SCOC: variants seen among roughly 807,000 people sequenced by gnomAD.
The protein encoded by SCOC is short coiled coil protein.
In SCOC, 7 loss-of-function variants were observed where a neutral mutation model predicts 9.9. The ratio of observed to expected loss-of-function variants is 0.71; its 90% CI spans 0.40 to 1.33. The LOEUF (loss-of-function observed/expected upper bound fraction) is 1.33. Among genes scored for constraint, SCOC ranks in the 40% most tolerant of loss-of-function variants. SCOC has a pLI of 0.01. For missense variants in SCOC, 66 were observed against 89.7 expected (o/e 0.74, Z 1.07); for synonymous variants, 19 against 28.2 (o/e 0.67, Z 1.03).
intron 3 of SCOC, among the ~76,000 whole-genome samples, chr4:140,380,159 T>TCTGTGACTTCCCTATTAG (rs1728509920): frequency 6.6e-6 from 1 of 151,790 alleles, no homozygotes; most frequent in Non-Finnish European, 1.5e-5. Flanking sequence ...ATAAAAGTCA[T>TCTGTGACTTCCCTATTAG]CTGTGACTTC....
At chr4:140,379,751 TA>T in intron 3 of SCOC, 99 bp downstream of exon 3, 1 of 824,312 alleles carries the variant, frequency 1.2e-6, no homozygotes, top group South Asian at 1.6e-5. Flanking sequence ...GTATAATTTT[TA>T]AAAGAATGAA....
At chr4:140,313,712 A>G (rs538337691) in intron 1 of SCOC, among the ~76,000 whole-genome samples, 5 of 152,348 alleles carry the variant, frequency 3.3e-5, no homozygotes, top group African/African-American at 1.2e-4. Flanking sequence ...CACTAAATTC[A>G]AGACCCTCTT....
At chr4:140,355,067 T>TAATATTTGAGTA (rs1361728760) in intron 2 of SCOC, among the ~76,000 whole-genome samples, 1 of 151,836 alleles carries the variant, frequency 6.6e-6, no homozygotes, top group Non-Finnish European at 1.5e-5. Flanking sequence ...CAAAGGAGAT[T>TAATATTTGAGTA]AATATTTGAG....
intron 1 of SCOC, among the ~76,000 whole-genome samples, chr4:140,324,481 G>A (rs1732588941): frequency 6.6e-6 from 1 of 151,918 alleles, no homozygotes; most frequent in South Asian, 2.1e-4. Flanking sequence ...AACACTCCGA[G>A]AACTCATAAG....
At chr4:140,358,819 C>T (rs1727341643) in intron 2 of SCOC, among the ~76,000 whole-genome samples, 1 of 152,110 alleles carries the variant, frequency 6.6e-6, no homozygotes. Context: ...ATAGAATCAC[C>T]ATTCCATTTT....
At chr4:140,339,366 T>G (rs145934477), upstream of SCOC, among the ~76,000 whole-genome samples, 1 of 151,706 alleles carries the variant, frequency 6.6e-6, no homozygotes, top group East Asian at 1.9e-4. Context: ...AACCTAGGCA[T>G]TACCATTCAG....
chr4:140,290,651 A>G (rs1010664410), intron 1 of SCOC, among the ~76,000 whole-genome samples: 2 of 152,178 alleles, frequency 1.3e-5, no homozygotes, highest in Non-Finnish European at 2.9e-5. Context: ...CATCTCTACT[A>G]AAAATACAAA....
intron 1 of SCOC, among the ~76,000 whole-genome samples, chr4:140,305,984 G>A (rs1731968788): frequency 6.6e-6 from 1 of 152,100 alleles, no homozygotes; most frequent in African/African-American, 2.4e-5. Flanking sequence ...ATAGGGTCTT[G>A]GAGAGAAAAA....
chr4:140,332,481 C>G (rs1048701503), intron 1 of SCOC, among the ~76,000 whole-genome samples: 4 of 144,978 alleles, frequency 2.8e-5, no homozygotes, highest in African/African-American at 1.0e-4. Flanking sequence ...TGGGTTCAAG[C>G]TATTCTCCTG....
chr4:140,342,068 G>C (rs1475305810), upstream of SCOC, among the ~76,000 whole-genome samples: 1 of 151,928 alleles, frequency 6.6e-6, no homozygotes, highest in Non-Finnish European at 1.5e-5. Context: ...GATTCTTAGA[G>C]GACTTGAACT....
At chr4:140,265,511 G>A (rs1578753564) in intron 1 of SCOC, among the ~76,000 whole-genome samples, 3 of 152,210 alleles carry the variant, frequency 2.0e-5, no homozygotes, top group Admixed American at 6.5e-5. Context: ...GCGCAGCCAC[G>A]TGGTGGAAGA....
chr4:140,373,040 A>C (rs1232343565), upstream of SCOC, among the ~76,000 whole-genome samples: 1 of 152,230 alleles, frequency 6.6e-6, no homozygotes, highest in African/African-American at 2.4e-5. Context: ...TAAAATATTA[A>C]ATGGCCACGC....
chr4:140,324,337 A>C (rs1732584865), intron 1 of SCOC, among the ~76,000 whole-genome samples: 1 of 152,200 alleles, frequency 6.6e-6, no homozygotes, highest in Non-Finnish European at 1.5e-5. Context: ...TCAACACCAG[A>C]CTGGAAGTCA....
intron 1 of SCOC, among the ~76,000 whole-genome samples, chr4:140,312,415 A>G (rs1220806215): frequency 1.3e-5 from 2 of 152,126 alleles, no homozygotes; most frequent in African/African-American, 4.8e-5. Context: ...ACATAGTTAT[A>G]TATTTATTTA....
chr4:140,355,102 A>T (rs1727151157), intron 2 of SCOC, among the ~76,000 whole-genome samples: 1 of 151,590 alleles, frequency 6.6e-6, no homozygotes, highest in Admixed American at 6.6e-5. Context: ...AACCAGACCC[A>T]CCCTTAATCT....
intron 1 of SCOC, among the ~76,000 whole-genome samples, chr4:140,276,058 C>G (rs1730973440): frequency 1.3e-5 from 2 of 151,900 alleles, no homozygotes; most frequent in Admixed American, 1.3e-4. Flanking sequence ...GGCTGTAGTG[C>G]AGTGGCACTA....
intron 1 of SCOC, among the ~76,000 whole-genome samples, chr4:140,377,221 T>C (rs1224029710): frequency 6.6e-6 from 1 of 152,182 alleles, no homozygotes; most frequent in East Asian, 1.9e-4. Context: ...AAATGTCAAA[T>C]CAAGTTTTCA....
intron 1 of SCOC, among the ~76,000 whole-genome samples, chr4:140,288,605 T>G (rs1050629930): frequency 6.6e-6 from 1 of 151,440 alleles, no homozygotes; most frequent in Non-Finnish European, 1.5e-5. Flanking sequence ...ACACATCACA[T>G]ACACACACAT....
intron 1 of SCOC, among the ~76,000 whole-genome samples, chr4:140,318,162 G>C (rs1732387304): frequency 6.7e-6 from 1 of 149,322 alleles, no homozygotes; most frequent in Non-Finnish European, 1.5e-5. Flanking sequence ...TCAGGACATA[G>C]GCGTGGGCAA....
Sources: gnomAD v4.1 joint callset for allele counts (sites outside exome capture counted in the v4.1 genomes callset) on GRCh38, gnomAD v4.1.1 for gene constraint, MANE v1.5 for transcripts, NCBI Gene and HGNC (gene_info 2026-07-23, HGNC 2026-07-21) for gene names.